DNAH3: variants seen among roughly 807,000 people sequenced by gnomAD.
DNAH3 encodes the protein axonemal beta dynein heavy chain 3.
DNAH3 carries 332 observed loss-of-function variants against 432.5 expected under a neutral mutation model. The ratio of observed to expected loss-of-function variants is 0.77; its 90% confidence interval spans 0.70 to 0.84. The LOEUF (loss-of-function observed/expected upper bound fraction) is 0.84, where lower values mean the gene tolerates loss of function less well. Ranked by LOEUF, DNAH3 falls within the 40% of genes least tolerant of loss-of-function variation. The pLI, the probability that DNAH3 is intolerant of heterozygous loss-of-function variation, is 0.00. For synonymous variants in DNAH3, 1,956 were observed against 1,900.2 expected (o/e 1.03, Z -0.76); for missense variants, 4,861 against 5,114.0 (o/e 0.95, Z 1.51).
chr16:21,103,097 T>A (rs948016239), intron 16 of DNAH3, among the ~76,000 whole-genome samples: 1 of 151,930 alleles, frequency 6.6e-6, no homozygotes, highest in African/African-American at 2.4e-5. Flanking sequence ...TTCTCACTCA[T>A]AAGTGGGAGC....
chr16:20,951,010 A>G (rs1477532040), intron 56 of DNAH3, among the ~76,000 whole-genome samples: 1 of 151,970 alleles, frequency 6.6e-6, no homozygotes, highest in African/African-American at 2.4e-5. Context: ...ATTTCTTTGT[A>G]GAGATGTGGC....
intron 36 of DNAH3, among the ~76,000 whole-genome samples, chr16:21,032,035 GA>G (rs35664744): frequency 8.7e-4 from 126 of 144,054 alleles, no homozygotes; most frequent in Middle Eastern, 3.5e-3. Context: ...ACTCTGTCTC[GA>G]AAAAAAAAAA....
At chr16:20,979,184 G>A (rs2085737917) in intron 50 of DNAH3, 146 bp downstream of exon 50, 1 of 670,484 alleles carries the variant, frequency 1.5e-6, no homozygotes, top group Non-Finnish European at 2.6e-6. Context: ...AGGGATTACA[G>A]TGATGTAGGT....
At chr16:21,031,413 TAAAAC>T (rs1388535905) in intron 36 of DNAH3, 127 bp from the exon 37 acceptor site, 2 of 1,205,690 alleles carry the variant, frequency 1.7e-6, no homozygotes, top group Admixed American at 2.5e-5. Flanking sequence ...GTCCTTCTTA[TAAAAC>T]ATGTGCTCAG....
intron 50 of DNAH3, among the ~76,000 whole-genome samples, chr16:20,978,952 C>T (rs1306871772): frequency 3.3e-5 from 5 of 151,868 alleles, no homozygotes; most frequent in Non-Finnish European, 5.9e-5. Context: ...AGATCTGACT[C>T]CACAAAGATA....
At chr16:20,985,072 C>T in intron 48 of DNAH3, 2 of 1,608,472 alleles carry the variant, frequency 1.2e-6, no homozygotes, top group South Asian at 2.2e-5. Flanking sequence ...AAGGTTCTTT[C>T]TCACCCTCTC....
intron 37 of DNAH3, among the ~76,000 whole-genome samples, chr16:21,027,506 ACTT>A (rs1377588940): frequency 6.6e-6 from 1 of 152,208 alleles, no homozygotes; most frequent in Non-Finnish European, 1.5e-5. Flanking sequence ...TGGCCTTCCT[ACTT>A]CTTAAAAAAA....
At chr16:20,999,332 G>A (rs2086906880) in intron 43 of DNAH3, among the ~76,000 whole-genome samples, 1 of 152,176 alleles carries the variant, frequency 6.6e-6, no homozygotes, top group Non-Finnish European at 1.5e-5. Flanking sequence ...CATAAAAATA[G>A]GGAGGGAGAG....
intron 22 of DNAH3, 67 bp downstream of exon 22, chr16:21,070,643 T>C: frequency 2.0e-6 from 2 of 979,284 alleles, no homozygotes; most frequent in Non-Finnish European, 3.3e-6. Flanking sequence ...GTGAAAACCT[T>C]TCCCCTCCTC....
At chr16:20,976,850 T>A (rs2152651328) in intron 50 of DNAH3, among the ~76,000 whole-genome samples, 1 of 152,212 alleles carries the variant, frequency 6.6e-6, no homozygotes, top group East Asian at 1.9e-4. Flanking sequence ...AGACAGTGGA[T>A]CTGCTAGTGT....
chr16:21,063,241 T>C (rs1053440149), intron 24 of DNAH3, among the ~76,000 whole-genome samples: 2 of 152,172 alleles, frequency 1.3e-5, no homozygotes, highest in Non-Finnish European at 1.5e-5. Flanking sequence ...GAGATTCTAA[T>C]AGAATTGATC....
intron 41 of DNAH3, among the ~76,000 whole-genome samples, chr16:21,009,410 C>T (rs186055440): frequency 9.2e-5 from 14 of 152,150 alleles, no homozygotes; most frequent in Middle Eastern, 3.4e-3. Flanking sequence ...GACTGTGATA[C>T]GGTGGTATGA....
chr16:21,132,906 T>A (rs1026172008), intron 7 of DNAH3, among the ~76,000 whole-genome samples: 40 of 151,988 alleles, frequency 2.6e-4, no homozygotes, highest in Non-Finnish European at 4.6e-4. Context: ...CACTTTTTTT[T>A]AAAATGAAAG....
At chr16:20,991,453 G>C (rs1200930512) in intron 44 of DNAH3, among the ~76,000 whole-genome samples, 3 of 152,032 alleles carry the variant, frequency 2.0e-5, no homozygotes, top group Admixed American at 2.0e-4. Flanking sequence ...TAGTAGAGAT[G>C]GGGTTTTGCC....
intron 52 of DNAH3, among the ~76,000 whole-genome samples, chr16:20,968,693 C>T (rs2152632187): frequency 6.6e-6 from 1 of 151,850 alleles, no homozygotes; most frequent in Middle Eastern, 3.4e-3. Flanking sequence ...TCTCTTTCTT[C>T]CTCTCCATTG....
exon 49 of DNAH3, chr16:20,982,792 G>C: frequency 6.2e-7 from 1 of 1,614,186 alleles, no homozygotes; most frequent in Non-Finnish European, 8.5e-7. Context: ...GGGCATCTGT[G>C]GGCCAGGACT....
At chr16:21,058,553 T>A (rs1190197480) in intron 26 of DNAH3, among the ~76,000 whole-genome samples, 2 of 152,218 alleles carry the variant, frequency 1.3e-5, no homozygotes, top group Non-Finnish European at 2.9e-5. Flanking sequence ...TTTTAGCTGT[T>A]TCTCCACCCC....
Position 21,027,025 on chromosome 16 carries a change from AC to A in DNAH3, c.5540+1del, listed in dbSNP as rs1408846542. 2 of 1,612,602 alleles carry A rather than the reference AC, an allele frequency of 1.2e-6. No homozygotes were observed. Among genetic ancestry groups the A allele is most frequent in the Non-Finnish European group, 1.7e-6 (2 of 1,178,826 alleles). On this transcript the variant is annotated splice_donor_variant, in intron 38 of 61. Coordinates refer to ENST00000261383, the Ensembl canonical transcript of DNAH3. LOFTEE classifies it high-confidence loss of function. ...CCGGGGTGCCAGTGAGGGCTGCCTC[AC>A]CTGCTCACAGTGGCTGGAGAGGCTT...
chr16:21,153,930 A>G (rs1217727939), intron 1 of DNAH3, among the ~76,000 whole-genome samples: 1 of 152,092 alleles, frequency 6.6e-6, no homozygotes, highest in Non-Finnish European at 1.5e-5. Flanking sequence ...TCCATCTCTT[A>G]TATTATGCTC....
Sources: allele counts gnomAD v4.1 joint callset (sites outside exome capture counted in the v4.1 genomes callset), GRCh38; gene constraint gnomAD v4.1.1; transcripts MANE v1.5; gene names NCBI Gene and HGNC (gene_info 2026-07-23, HGNC 2026-07-21).